NNT: variants seen among roughly 807,000 people sequenced by gnomAD.
NNT encodes NAD(P) transhydrogenase, mitochondrial.
In NNT, 50 loss-of-function variants were observed where a neutral mutation model predicts 104.8. The observed-to-expected ratio is 0.48, with a 90% CI of 0.38 to 0.60. The LOEUF (loss-of-function observed/expected upper bound fraction) is 0.60. Ranked by LOEUF, NNT falls within the 20% of genes least tolerant of loss-of-function variation. The probability of loss-of-function intolerance (pLI) is 0.00; values close to 1 mark genes in which losing one functional copy is unlikely to be tolerated. For missense variants in NNT, 1,131 were observed against 1,330.7 expected, an observed-to-expected ratio of 0.85 and a Z score of 2.33; for synonymous variants, 461 against 490.4, an observed-to-expected ratio of 0.94 and a Z score of 0.79.
At chr5:43,659,489 A>C in intron 17 of NNT, 139 bp downstream of exon 17, 1 of 661,492 alleles carries the variant, frequency 1.5e-6, no homozygotes, top group Non-Finnish European at 2.4e-6. Flanking sequence ...CCAGCACTTT[A>C]GGAGGCCAAG....
At chr5:43,633,586 G>A (rs933329589) in intron 7 of NNT, among the ~76,000 whole-genome samples, 1 of 152,126 alleles carries the variant, frequency 6.6e-6, no homozygotes, top group Admixed American at 6.5e-5. Flanking sequence ...TATTACAGCA[G>A]TGCTTAGTCC....
At chr5:43,655,190 A>G (rs936609919) in intron 14 of NNT, among the ~76,000 whole-genome samples, 1 of 152,098 alleles carries the variant, frequency 6.6e-6, no homozygotes, top group Non-Finnish European at 1.5e-5. Flanking sequence ...AATATAAGGG[A>G]ATTTGATTAG....
chr5:43,643,860 A>T (rs1008487628), intron 7 of NNT, among the ~76,000 whole-genome samples: 3 of 152,164 alleles, frequency 2.0e-5, no homozygotes, highest in Non-Finnish European at 2.9e-5. Flanking sequence ...GGCATTTTTT[A>T]AAAAACAGTC....
In NNT at chr5:43,649,259, G is replaced by T. The variant is rs905796170; in HGVS notation, c.1557G>T (p.Val519=). Residue 519 remains valine, a synonymous_variant, in exon 11 of 22, where the codon GTG becomes GTT. Coordinates refer to ENST00000344920, the MANE Select transcript of NNT (RefSeq NM_182977.3). The part of the protein sequence containing the change: ...GIVGYHTVWG[V]TPALHSPLMS... ...TGGGGTATCATACCGTCTGGGGAGTGACCCCTGCTCTCCACTCACCACTGA... is the reference window on the plus strand; with the variant it reads ...TGGGGTATCATACCGTCTGGGGAGTTACCCCTGCTCTCCACTCACCACTGA... The T allele has an allele frequency of 1.2e-6, 2 of 1,614,048 alleles. No homozygotes were observed. Among genetic ancestry groups the T allele is most frequent in the Non-Finnish European group, 1.7e-6 (2 of 1,180,028 alleles).
At chr5:43,616,098 C>T (rs375104890) in intron 4 of NNT, 33 bp downstream of exon 4, 163 of 1,539,966 alleles carry the variant, frequency 1.1e-4, no homozygotes, top group Non-Finnish European at 1.3e-4. Flanking sequence ...TGAACAAAAG[C>T]GCAATAGTGC....
chr5:43,645,228 A>T (rs940316804), intron 9 of NNT, 129 bp from the exon 10 acceptor site: 2 of 456,004 alleles, frequency 4.4e-6, no homozygotes, highest in Admixed American at 4.4e-5. Context: ...GTTACAAATT[A>T]TATGAATTTA....
intron 19 of NNT, among the ~76,000 whole-genome samples, chr5:43,697,022 T>A (rs909831873): frequency 5.9e-5 from 9 of 152,224 alleles, no homozygotes; most frequent in African/African-American, 1.9e-4. Flanking sequence ...AGGCTCCTCA[T>A]TACTTATGTA....
intron 1 of NNT, among the ~76,000 whole-genome samples, chr5:43,605,121 C>T (rs1735505197): frequency 6.6e-6 from 1 of 152,202 alleles, no homozygotes; most frequent in Non-Finnish European, 1.5e-5. Flanking sequence ...GGTATCCTCC[C>T]TCTTTAGGTT....
chr5:43,651,509 C>T (rs540588451), intron 12 of NNT, among the ~76,000 whole-genome samples: 2 of 151,822 alleles, frequency 1.3e-5, no homozygotes, highest in African/African-American at 2.4e-5. Context: ...ACCTGGGAGG[C>T]GGAGATTGCA....
In NNT at chr5:43,613,045, G is replaced by A. The variant is rs751169858; in HGVS notation, c.289G>A (p.Glu97Lys). 2.5e-6 allele frequency: 4 copies of A among 1,613,978 alleles called. No homozygotes were observed. Among genetic ancestry groups the A allele is most frequent in the Admixed American group, 1.7e-5 (1 of 59,988 alleles). ...FNVVVESGAG[E>K]ASKFSDDHYR... Reference sequence around the variant, plus strand: ...TGTTGTCGTGGAATCGGGTGCGGGCGAAGCTTCCAAGTTCTCAGATGATCA... The same window carrying A: ...TGTTGTCGTGGAATCGGGTGCGGGCAAAGCTTCCAAGTTCTCAGATGATCA... The change falls in exon 3 of 22, where the codon GAA (glutamate) becomes AAA (lysine). Residue 97 changes from glutamate (E) to lysine (K), a missense_variant. By Grantham distance (56) the Glu-to-Lys change is moderately conservative. Coordinates refer to ENST00000344920, the MANE Select transcript of NNT (RefSeq NM_182977.3).
chr5:43,615,138 C>T (rs144145512), intron 3 of NNT, among the ~76,000 whole-genome samples: 94 of 149,980 alleles, frequency 6.3e-4, no homozygotes, highest in African/African-American at 2.0e-3. Context: ...AGCGAGACTC[C>T]GTCTCAAAAA....
intron 17 of NNT, among the ~76,000 whole-genome samples, chr5:43,672,611 A>G (rs1412329490): frequency 1.3e-5 from 2 of 151,616 alleles, no homozygotes. Flanking sequence ...ATATTGCTGA[A>G]AAGCAATGTT....
chr5:43,661,570 C>T (rs546383577), intron 17 of NNT, among the ~76,000 whole-genome samples: 49 of 116,800 alleles, frequency 4.2e-4, no homozygotes, highest in Non-Finnish European at 7.5e-4. Flanking sequence ...CTCCCCCCAC[C>T]CCACCACAGT....
intron 17 of NNT, chr5:43,667,291 C>G (rs1740761446): frequency 1.5e-6 from 1 of 665,388 alleles, no homozygotes; most frequent in Non-Finnish European, 2.6e-6. Context: ...TATTATTATA[C>G]TTTAAGTTCT....
intron 19 of NNT, among the ~76,000 whole-genome samples, chr5:43,693,956 C>G (rs977776416): frequency 6.6e-6 from 1 of 152,142 alleles, no homozygotes; most frequent in African/African-American, 2.4e-5. Flanking sequence ...TTTGTTTCTA[C>G]TTGCTATCAG....
At chr5:43,655,195 G>C (rs1053604644) in intron 14 of NNT, among the ~76,000 whole-genome samples, 1 of 152,158 alleles carries the variant, frequency 6.6e-6, no homozygotes, top group Non-Finnish European at 1.5e-5. Flanking sequence ...AAGGGAATTT[G>C]ATTAGAGATT....
At chr5:43,639,145 A>T (rs1339653448) in intron 7 of NNT, among the ~76,000 whole-genome samples, 3 of 152,046 alleles carry the variant, frequency 2.0e-5, no homozygotes, top group African/African-American at 4.8e-5. Context: ...GAAATTAGTA[A>T]TTTTTTCTCC....
At chr5:43,660,207 T>C (rs887591609) in intron 17 of NNT, among the ~76,000 whole-genome samples, 1 of 152,230 alleles carries the variant, frequency 6.6e-6, no homozygotes, top group African/African-American at 2.4e-5. Context: ...TATAGGCTCA[T>C]TATACTTATA....
rs1383736092 is a variant in NNT at position 43,705,833 on chromosome 5, A to C, written c.*1429A>C. The C allele has an allele frequency of 6.6e-6, 1 of 151,946 alleles. No homozygotes were observed. Among genetic ancestry groups the C allele is most frequent in the Non-Finnish European group, 1.5e-5 (1 of 67,898 alleles). 9.4% of individuals were successfully genotyped at this position (151,946 alleles called of 1,614,324 possible). A position where few individuals can be genotyped will look rare whatever the true frequency, so the allele number is the denominator to read the frequency against. ...CAGAAAAGACTTTTTTAAAAGTTTT[A>C]AGTGATAAATGCAATTTGTTAATTG... On this transcript the variant is annotated 3_prime_UTR_variant, in exon 22 of 22. Transcript: ENST00000344920.
Sources: gnomAD v4.1 joint callset for allele counts (sites outside exome capture counted in the v4.1 genomes callset) on GRCh38, gnomAD v4.1.1 for gene constraint, MANE v1.5 for transcripts, NCBI Gene and HGNC (gene_info 2026-07-23, HGNC 2026-07-21) for gene names.